Variants in SPOCK1 observed in about 807,000 individuals in gnomAD.
SPOCK1 encodes testican-1.
A neutral mutation model predicts 55.3 loss-of-function variants in SPOCK1; 23 were observed. That is an observed-to-expected ratio of 0.42 (90% CI 0.30 to 0.59). The LOEUF (loss-of-function observed/expected upper bound fraction) is 0.59, where lower values mean the gene tolerates loss of function less well. SPOCK1 is among the 20% of genes least tolerant of loss of function. SPOCK1 has a pLI of 0.22. For synonymous variants in SPOCK1, 226 were observed against 221.0 expected (o/e 1.02, Z -0.20); for missense variants, 499 against 552.5 (o/e 0.90, Z 0.97).
At chr5:137,242,619 T>C (rs1293674219) in intron 3 of SPOCK1, among the ~76,000 whole-genome samples, 1 of 152,178 alleles carries the variant, frequency 6.6e-6, no homozygotes, top group Non-Finnish European at 1.5e-5. Context: ...ACGCCTGTAG[T>C]CCCAGCTACA....
At chr5:137,242,117 C>A (rs978368782) in intron 3 of SPOCK1, among the ~76,000 whole-genome samples, 1 of 152,204 alleles carries the variant, frequency 6.6e-6, no homozygotes, top group Non-Finnish European at 1.5e-5. Flanking sequence ...CCTGTAATCC[C>A]AGCACTTCAG....
intron 6 of SPOCK1, among the ~76,000 whole-genome samples, chr5:136,997,848 T>G (rs1751075269): frequency 6.6e-6 from 1 of 152,174 alleles, no homozygotes; most frequent in South Asian, 2.1e-4. Context: ...CTCCCCTAGA[T>G]CATAGCAACA....
At chr5:137,234,338 G>C (rs1756131509) in intron 3 of SPOCK1, among the ~76,000 whole-genome samples, 1 of 152,116 alleles carries the variant, frequency 6.6e-6, no homozygotes, top group Non-Finnish European at 1.5e-5. Flanking sequence ...TGGTGGGTCA[G>C]GAAACACCAT....
intron 5 of SPOCK1, among the ~76,000 whole-genome samples, chr5:137,085,274 G>A (rs150026344): frequency 1.6e-3 from 240 of 152,204 alleles, no homozygotes; most frequent in Non-Finnish European, 2.7e-3. Context: ...TGAGGGTAGC[G>A]GTCAGAAAGG....
intron 2 of SPOCK1, among the ~76,000 whole-genome samples, chr5:137,281,337 C>T (rs1757162530): frequency 6.6e-6 from 1 of 152,190 alleles, no homozygotes. Context: ...GTATCTACAT[C>T]CCAGACATGA....
intron 2 of SPOCK1, among the ~76,000 whole-genome samples, chr5:137,339,929 G>A (rs1240290483): frequency 6.6e-6 from 1 of 152,136 alleles, no homozygotes; most frequent in East Asian, 1.9e-4. Context: ...GTCTGCCCAC[G>A]GGGTCCAGCT....
chr5:137,323,810 C>A (rs1375146227), intron 2 of SPOCK1, among the ~76,000 whole-genome samples: 1 of 152,056 alleles, frequency 6.6e-6, no homozygotes, highest in Non-Finnish European at 1.5e-5. Context: ...ATGACTATCA[C>A]CAAAAACACA....
At chr5:137,165,198 C>T (rs73299810) in intron 3 of SPOCK1, among the ~76,000 whole-genome samples, 7,629 of 152,266 alleles carry the variant, frequency 0.05, 347 homozygotes, top group East Asian at 0.13. Context: ...ACTCCACCCC[C>T]ACCTCCACAT....
chr5:137,180,461 C>T (rs1754949785), intron 3 of SPOCK1, among the ~76,000 whole-genome samples: 1 of 152,066 alleles, frequency 6.6e-6, no homozygotes. Flanking sequence ...CTGAGCTATA[C>T]ATTAGTATCC....
chr5:137,171,863 A>AT (rs1469468814), intron 3 of SPOCK1, among the ~76,000 whole-genome samples: 1 of 152,120 alleles, frequency 6.6e-6, no homozygotes, highest in African/African-American at 2.4e-5. Flanking sequence ...TAATAAACAT[A>AT]TGTTATATGT....
intron 2 of SPOCK1, among the ~76,000 whole-genome samples, chr5:137,401,626 T>C (rs1352276251): frequency 6.6e-6 from 1 of 151,122 alleles, no homozygotes; most frequent in Non-Finnish European, 1.5e-5. Flanking sequence ...ACATCTCTAG[T>C]CTCAACTACT....
intron 3 of SPOCK1, among the ~76,000 whole-genome samples, chr5:137,154,488 T>C (rs1440093670): frequency 6.6e-6 from 1 of 152,118 alleles, no homozygotes; most frequent in Non-Finnish European, 1.5e-5. Context: ...CTTGGAGTGA[T>C]GGATAAAGAA....
At chr5:137,323,780 TA>T (rs1758023561) in intron 2 of SPOCK1, among the ~76,000 whole-genome samples, 1 of 152,132 alleles carries the variant, frequency 6.6e-6, no homozygotes, top group African/African-American at 2.4e-5. Flanking sequence ...CACAATACGA[TA>T]TTACCTCAAC....
intron 2 of SPOCK1, among the ~76,000 whole-genome samples, chr5:137,296,479 T>C (rs1757487979): frequency 6.6e-6 from 1 of 152,176 alleles, no homozygotes; most frequent in Non-Finnish European, 1.5e-5. Context: ...AAGCATGGCA[T>C]GGCCGACTGA....
chr5:137,252,127 T>G (rs1756544244), intron 3 of SPOCK1, among the ~76,000 whole-genome samples: 1 of 152,174 alleles, frequency 6.6e-6, no homozygotes, highest in Non-Finnish European at 1.5e-5. Flanking sequence ...GGTTTCACCA[T>G]GTTGTCCAGG....
At chr5:137,080,622 T>TATCCC (rs1455059871) in intron 5 of SPOCK1, among the ~76,000 whole-genome samples, 6 of 151,198 alleles carry the variant, frequency 4.0e-5, no homozygotes, top group Non-Finnish European at 7.4e-5. Flanking sequence ...TTCCCAGATG[T>TATCCC]ATCCCAGGCA....
rs7734824 is a variant in SPOCK1 at position 137,035,312 on chromosome 5, G to C, written c.589+32403C>G. Among the ~76,000 whole-genome samples the C allele has an allele frequency of 3.7e-3, 568 of 152,314 alleles. 4 individuals are homozygous for C. The highest frequency in any genetic ancestry group is 0.013 in the African/African-American group (547 of 41,580). Reference sequence around the variant, plus strand: ...CCCAGCGGATGGCAGCTGTCAGTCTGAATCACAGAACCCCTGGGGAAGATA... The same window carrying C: ...CCCAGCGGATGGCAGCTGTCAGTCTCAATCACAGAACCCCTGGGGAAGATA... On this transcript the variant is annotated intron_variant, in intron 6 of 10. Coordinates refer to ENST00000394945, the MANE Select transcript of SPOCK1 (RefSeq NM_004598.4).
At chr5:137,080,226 A>ATG (rs1752858227) in intron 5 of SPOCK1, among the ~76,000 whole-genome samples, 1 of 152,212 alleles carries the variant, frequency 6.6e-6, no homozygotes, top group Non-Finnish European at 1.5e-5. Context: ...AGGCTCACAG[A>ATG]TGTCGTTTGG....
rs1236113140 is a variant in SPOCK1 at position 137,282,256 on chromosome 5, T to C, written c.187-15201A>G. Among the ~76,000 whole-genome samples the C allele has an allele frequency of 4.6e-5, 7 of 152,394 alleles. No individual in the cohort carries two copies. In the East Asian group the frequency reaches 1.3e-3, roughly 29 times the overall value. ...TAGTATATTTGTGATGCTGCCATTC[T>C]GACTCTGAGGAGATTTTTAAAAATC... is the stretch of plus-strand genomic sequence containing the variant. On this transcript the variant is annotated intron_variant, in intron 2 of 10. Transcript: ENST00000394945.
Sources: allele counts gnomAD v4.1 joint callset (sites outside exome capture counted in the v4.1 genomes callset), GRCh38; gene constraint gnomAD v4.1.1; transcripts MANE v1.5; gene names NCBI Gene and HGNC (gene_info 2026-07-23, HGNC 2026-07-21).